The following CFAP54 variants were observed in gnomAD, a reference collection of about 807,000 sequenced individuals.
CFAP54 encodes cilia- and flagella-associated protein 54.
Under a neutral mutation model 370.4 loss-of-function variants are expected in CFAP54, and 290 were observed. The observed-to-expected ratio is 0.78, with a 90% confidence interval of 0.71 to 0.86. The LOEUF (loss-of-function observed/expected upper bound fraction) is 0.86. Among genes scored for constraint, CFAP54 ranks in the 40% least tolerant of loss-of-function variants. CFAP54 has a pLI of 0.00. For missense variants in CFAP54, 3,399 were observed against 3,528.7 expected, an observed-to-expected ratio of 0.96 and a Z score of 0.93; for synonymous variants, 1,206 against 1,236.5, an observed-to-expected ratio of 0.98 and a Z score of 0.52.
At chr12:96,525,949 G>T (rs981412992) in intron 8 of CFAP54, among the ~76,000 whole-genome samples, 12 of 152,334 alleles carry the variant, frequency 7.9e-5, no homozygotes, top group East Asian at 3.9e-4. Context: ...CTCCCAAAGT[G>T]CTGGGATTAC....
chr12:96,659,520 T>C (rs1956966702), intron 38 of CFAP54, among the ~76,000 whole-genome samples: 1 of 152,214 alleles, frequency 6.6e-6, no homozygotes, highest in African/African-American at 2.4e-5. Context: ...AAATAAAATG[T>C]TTGAATTTCT....
chr12:96,838,997 G>A lies in CFAP54; in HGVS notation c.9171+9909G>A, dbSNP rs148397036. Among the ~76,000 whole-genome samples, 16 of 152,296 alleles carry A rather than the reference G, an allele frequency of 1.1e-4. No individual in the cohort carries two copies. In the East Asian group the frequency reaches 2.9e-3, roughly 28 times the overall value. On this transcript the variant is annotated intron_variant, in intron 66 of 67. Transcript: ENST00000524981. ...CAGTATGTTAAGATGGCTCTGTTGA[G>A]CCTTTTCAGTCTGAAGATTCTTGCT...
At chr12:96,862,665 C>G (rs544798974) in intron 67 of CFAP54, among the ~76,000 whole-genome samples, 19 of 152,174 alleles carry the variant, frequency 1.2e-4, no homozygotes, top group Non-Finnish European at 2.1e-4. Context: ...CAAATATTTA[C>G]TCATGAATTC....
chr12:96,797,504 C>T (rs1958778151), intron 63 of CFAP54, among the ~76,000 whole-genome samples: 1 of 151,914 alleles, frequency 6.6e-6, no homozygotes, highest in South Asian at 2.1e-4. Context: ...TAATTTGAGG[C>T]TGTGTTCTTG....
chr12:96,725,290 G>C lies in CFAP54; in HGVS notation c.6965+4725G>C, dbSNP rs1432415305. Among the ~76,000 whole-genome samples the C allele has an allele frequency of 2.0e-5, 3 of 151,430 alleles. No individual in the cohort carries two copies. In the East Asian group the frequency reaches 5.8e-4, roughly 29 times the overall value. On this transcript the variant is annotated intron_variant, in intron 50 of 67. Transcript: ENST00000524981. ...GCAGTATGGCCATTTTCACGATATT[G>C]ATTCTTCCTACCCATGAGCATGGAA...
intron 36 of CFAP54, 118 bp from the exon 37 acceptor site, chr12:96,657,764 T>A: frequency 1.3e-6 from 1 of 757,952 alleles, no homozygotes. Flanking sequence ...AAGAAAAATA[T>A]TTTTTCTTTT....
chr12:96,869,933 CAAAAAAAAAA>C (rs760992300), intron 67 of CFAP54, among the ~76,000 whole-genome samples: 1 of 36,866 alleles, frequency 2.7e-5, no homozygotes, highest in East Asian at 7.5e-4. Flanking sequence ...AAAACTCCGT[CAAAAAAAAAA>C]AAAAAAAAAA....
intron 67 of CFAP54, among the ~76,000 whole-genome samples, chr12:96,863,345 G>T (rs556742086): frequency 2.0e-5 from 3 of 152,246 alleles, no homozygotes; most frequent in South Asian, 4.1e-4. Context: ...AAGTGCTTCA[G>T]TGCATTTTCT....
intron 67 of CFAP54, among the ~76,000 whole-genome samples, chr12:96,863,982 G>T (rs550856829): frequency 6.6e-6 from 1 of 152,100 alleles, no homozygotes; most frequent in Admixed American, 6.6e-5. Context: ...ACACTCACTG[G>T]TTAAAGCTGT....
At chr12:96,551,344 GA>G (rs1955692031) in intron 15 of CFAP54, among the ~76,000 whole-genome samples, 1 of 152,110 alleles carries the variant, frequency 6.6e-6, no homozygotes, top group South Asian at 2.1e-4. Flanking sequence ...CTTGGGTAGT[GA>G]GAAGAGGAGT....
chr12:96,630,183 T>G lies in CFAP54; in HGVS notation c.4194T>G (p.Ala1398=), dbSNP rs750589319. The G allele has an allele frequency of 1.5e-5, 22 of 1,492,816 alleles. No individual in the cohort carries two copies. In the African/African-American group the frequency reaches 1.7e-4, roughly 11 times the overall value. The allele number at this position is 1,492,816 out of a possible 1,614,324, so 92.5% of individuals were successfully genotyped here. Residue 1398 remains alanine, a synonymous_variant, in exon 31 of 68, where the codon GCT becomes GCG. Coordinates refer to ENST00000524981, the MANE Select transcript of CFAP54 (RefSeq NM_001306084.2). Reference sequence around the variant, plus strand: ...CAAACAAATCTTTAAAGTTCAAAGCTGCAGTAATGGAAATTGGAAGAGTAA... The same window carrying G: ...CAAACAAATCTTTAAAGTTCAAAGCGGCAGTAATGGAAATTGGAAGAGTAA... ...KKANKSLKFK[A]AVMEIGRSAE...
At chr12:96,629,819 G>C (rs575123824) in intron 30 of CFAP54, among the ~76,000 whole-genome samples, 1 of 152,216 alleles carries the variant, frequency 6.6e-6, no homozygotes, top group South Asian at 2.1e-4. Context: ...ATATTGCTCA[G>C]TTGCTCTTAA....
chr12:96,632,509 C>T (rs1420658905), intron 32 of CFAP54, among the ~76,000 whole-genome samples: 1 of 151,888 alleles, frequency 6.6e-6, no homozygotes, highest in Non-Finnish European at 1.5e-5. Context: ...ATTGAGTAAT[C>T]TATTCTATTG....
At chr12:96,605,985 C>T (rs2136449557) in intron 26 of CFAP54, among the ~76,000 whole-genome samples, 1 of 152,242 alleles carries the variant, frequency 6.6e-6, no homozygotes, top group African/African-American at 2.4e-5. Flanking sequence ...TTAGGTGTAC[C>T]TACCTGTAGG....
In CFAP54 at chr12:96,784,790, T is replaced by C. The variant is rs1315539101; in HGVS notation, c.8355T>C (p.Asp2785=). 1.3e-6 allele frequency: 2 copies of C among 1,535,080 alleles called. No individual in the cohort carries two copies. Among genetic ancestry groups the C allele is most frequent in the East Asian group, 4.9e-5 (2 of 40,812 alleles). ...ATGATGATGTGTGTGACAGCGCAGATGGTAGAAAAAAGACTCAGACCAAAG... is the reference window on the plus strand; with the variant it reads ...ATGATGATGTGTGTGACAGCGCAGACGGTAGAAAAAAGACTCAGACCAAAG... ...YQNDDVCDSA[D]GRKKTQTKVD... The change falls in exon 61 of 68, where the codon GAT becomes GAC. Residue 2785 remains aspartate (D), a synonymous_variant. Coordinates refer to ENST00000524981, the MANE Select transcript of CFAP54 (RefSeq NM_001306084.2).
intron 66 of CFAP54, among the ~76,000 whole-genome samples, chr12:96,849,923 A>G (rs1359786408): frequency 6.6e-6 from 1 of 152,082 alleles, no homozygotes; most frequent in African/African-American, 2.4e-5. Context: ...CATCTCCACA[A>G]AGCCTTTCCT....
At chr12:96,783,715 C>T (rs540294399) in intron 60 of CFAP54, among the ~76,000 whole-genome samples, 26 of 152,064 alleles carry the variant, frequency 1.7e-4, no homozygotes, top group Non-Finnish European at 2.5e-4. Flanking sequence ...GGAGAAACGC[C>T]GTTTCTACTA....
At chr12:96,593,327 G>T (rs1442773553) in intron 24 of CFAP54, among the ~76,000 whole-genome samples, 1 of 151,676 alleles carries the variant, frequency 6.6e-6, no homozygotes, top group Non-Finnish European at 1.5e-5. Flanking sequence ...AGGTATGGAT[G>T]TTTTAGCTGT....
intron 9 of CFAP54, among the ~76,000 whole-genome samples, chr12:96,533,083 C>T: frequency 6.6e-6 from 1 of 152,102 alleles, no homozygotes; most frequent in Non-Finnish European, 1.5e-5. Flanking sequence ...AACCTTATTG[C>T]TCAATCCAGG....
Sources: gnomAD v4.1 joint callset for allele counts (sites outside exome capture counted in the v4.1 genomes callset) on GRCh38, gnomAD v4.1.1 for gene constraint, MANE v1.5 for transcripts, NCBI Gene and HGNC (gene_info 2026-07-23, HGNC 2026-07-21) for gene names.